PTPRM: variants seen among roughly 807,000 people sequenced by gnomAD.
PTPRM encodes the protein receptor-type tyrosine-protein phosphatase mu.
Under a neutral mutation model 186.7 loss-of-function variants are expected in PTPRM, and 47 were observed. That is an observed-to-expected ratio of 0.25 (90% confidence interval 0.20 to 0.32). The LOEUF (loss-of-function observed/expected upper bound fraction) is 0.32. PTPRM is among the 10% of genes least tolerant of loss of function. The pLI, the probability that PTPRM is intolerant of heterozygous loss-of-function variation, is 1.00. For missense variants in PTPRM, 1,494 were observed against 1,865.0 expected (o/e 0.80, Z 3.66); for synonymous variants, 668 against 674.9 (o/e 0.99, Z 0.16).
intron 2 of PTPRM, among the ~76,000 whole-genome samples, chr18:7,776,449 C>T (rs944846167): frequency 5.9e-5 from 9 of 152,036 alleles, no homozygotes; most frequent in Non-Finnish European, 1.0e-4. Flanking sequence ...ACTATTGTTG[C>T]TCCATCAGAT....
intron 1 of PTPRM, among the ~76,000 whole-genome samples, chr18:7,761,434 T>A (rs1352597514): frequency 6.6e-6 from 1 of 152,144 alleles, no homozygotes; most frequent in African/African-American, 2.4e-5. Context: ...AGAGTTCCAG[T>A]ATGATGCACA....
chr18:8,356,689 A>T (rs1381624638), intron 23 of PTPRM, among the ~76,000 whole-genome samples: 3 of 152,160 alleles, frequency 2.0e-5, no homozygotes, highest in Non-Finnish European at 2.9e-5. Flanking sequence ...GAAGGTAAGG[A>T]TGGGCAGATA....
At chr18:8,230,349 TAGAAGAACA>T (rs1285955573) in intron 14 of PTPRM, among the ~76,000 whole-genome samples, 1 of 152,234 alleles carries the variant, frequency 6.6e-6, no homozygotes, top group Non-Finnish European at 1.5e-5. Context: ...TTAGCGATGT[TAGAAGAACA>T]CTTTCACCTC....
chr18:8,184,644 T>A (rs2093619297), intron 14 of PTPRM, among the ~76,000 whole-genome samples: 1 of 152,246 alleles, frequency 6.6e-6, no homozygotes, highest in African/African-American at 2.4e-5. Flanking sequence ...CAATTTGCCC[T>A]AATCTATAAC....
chr18:8,390,968 T>TAATAATAAA (rs1187436819), intron 31 of PTPRM, among the ~76,000 whole-genome samples: 32 of 148,158 alleles, frequency 2.2e-4, no homozygotes, highest in African/African-American at 8.0e-4. Context: ...ATAATAATAA[T>TAATAATAAA]AAAGATGTCC....
intron 7 of PTPRM, among the ~76,000 whole-genome samples, chr18:8,048,610 A>C (rs2087240358): frequency 6.6e-6 from 1 of 152,164 alleles, no homozygotes; most frequent in South Asian, 2.1e-4. Flanking sequence ...TTGGTAGTGA[A>C]AACACAGAAG....
intron 7 of PTPRM, among the ~76,000 whole-genome samples, chr18:7,959,339 T>C (rs932519027): frequency 2.6e-4 from 39 of 152,240 alleles, no homozygotes; most frequent in African/African-American, 8.9e-4. Context: ...CATAGAATTC[T>C]TTGCAGTTGT....
chr18:8,326,664 A>G (rs952115567), intron 22 of PTPRM, among the ~76,000 whole-genome samples: 1 of 152,198 alleles, frequency 6.6e-6, no homozygotes, highest in Admixed American at 6.5e-5. Context: ...TGCAAAGTTG[A>G]CAAAAACAAG....
intron 1 of PTPRM, among the ~76,000 whole-genome samples, chr18:7,676,653 G>A (rs941178825): frequency 5.8e-5 from 8 of 136,838 alleles, no homozygotes; most frequent in African/African-American, 2.3e-4. Context: ...GTGTGTGTGT[G>A]TGTGTGTGTA....
Position 8,378,422 on chromosome 18 carries a change from A to T in PTPRM, c.3612+8A>T, listed in dbSNP as rs1458789450. The T allele has an allele frequency of 6.2e-7, 1 of 1,613,854 alleles. No homozygotes were observed. Among genetic ancestry groups the T allele is most frequent in the Middle Eastern group, 1.7e-4 (1 of 6,058 alleles). Reference sequence around the variant, plus strand: ...ATTAAAGAGGAATTCCGGGTAAGTGATGCCTAAGGGAGGGGCACTGCACGG... The same window carrying T: ...ATTAAAGAGGAATTCCGGGTAAGTGTTGCCTAAGGGAGGGGCACTGCACGG... On this transcript the variant is annotated splice_region_variant and intron_variant, in intron 27 of 32. Transcript: ENST00000580170.
chr18:7,957,771 A>G (rs1219369176), intron 7 of PTPRM, among the ~76,000 whole-genome samples: 1 of 152,206 alleles, frequency 6.6e-6, no homozygotes, highest in African/African-American at 2.4e-5. Context: ...ACTGATTATG[A>G]TCAGTGTGGA....
chr18:7,747,494 A>G (rs1476594910), intron 1 of PTPRM: 1 of 152,314 alleles, frequency 6.6e-6, no homozygotes, highest in East Asian at 1.9e-4. Context: ...GTCCAAGATC[A>G]AGGTATTGGC....
intron 14 of PTPRM, among the ~76,000 whole-genome samples, chr18:8,197,614 G>A (rs956469723): frequency 6.6e-6 from 1 of 152,126 alleles, no homozygotes; most frequent in African/African-American, 2.4e-5. Context: ...ATGTTTCAGC[G>A]ATACGTTAAT....
chr18:7,774,324 C>T (rs990542533), intron 2 of PTPRM, 53 bp downstream of exon 2: 116 of 1,588,746 alleles, frequency 7.3e-5, no homozygotes, highest in Non-Finnish European at 9.2e-5. Context: ...GAGTCTCAAT[C>T]ATACTATGTG....
chr18:7,715,361 A>T (rs781187038), intron 1 of PTPRM, among the ~76,000 whole-genome samples: 1 of 152,244 alleles, frequency 6.6e-6, no homozygotes, highest in African/African-American at 2.4e-5. Context: ...GTATCTCAAA[A>T]TAATAAGAGC....
chr18:8,127,743 A>ATCATTCAT (rs369335875), intron 13 of PTPRM, among the ~76,000 whole-genome samples: 1 of 152,094 alleles, frequency 6.6e-6, no homozygotes, highest in Non-Finnish European at 1.5e-5. Context: ...TAGAGAAGCT[A>ATCATTCAT]TCATTCATTC....
chr18:8,263,269 C>T (rs779071629), intron 19 of PTPRM, among the ~76,000 whole-genome samples: 3 of 151,986 alleles, frequency 2.0e-5, no homozygotes, highest in South Asian at 2.1e-4. Flanking sequence ...CCACCACACC[C>T]GGCTAATTTT....
chr18:7,869,645 A>G (rs1312129061), intron 2 of PTPRM, among the ~76,000 whole-genome samples: 3 of 152,186 alleles, frequency 2.0e-5, no homozygotes, highest in Admixed American at 1.3e-4. Context: ...CTGTTCGGCC[A>G]TCTTGCCAGC....
intron 14 of PTPRM, among the ~76,000 whole-genome samples, chr18:8,185,511 G>A (rs1156920973): frequency 6.6e-6 from 1 of 152,230 alleles, no homozygotes; most frequent in African/African-American, 2.4e-5. Context: ...CCTCCTGGTA[G>A]TTGTCTCCCT....
Sources: allele counts gnomAD v4.1 joint callset (sites outside exome capture counted in the v4.1 genomes callset), GRCh38; gene constraint gnomAD v4.1.1; transcripts MANE v1.5; gene names NCBI Gene and HGNC (gene_info 2026-07-23, HGNC 2026-07-21).